CDK15: variants seen among roughly 807,000 people sequenced by gnomAD.
CDK15 encodes cyclin dependent kinase 15.
In CDK15, 62 loss-of-function variants were observed where a neutral mutation model predicts 60.3. That is an observed-to-expected ratio of 1.03 (90% CI 0.84 to 1.27). The LOEUF is 1.27. CDK15 is among the 50% of genes most tolerant of loss of function. The probability of loss-of-function intolerance (pLI) is 0.00; values close to 1 mark genes in which losing one functional copy is unlikely to be tolerated. For missense variants in CDK15, 541 were observed against 527.8 expected (o/e 1.03, Z -0.25); for synonymous variants, 194 against 195.7 (o/e 0.99, Z 0.07).
rs56394105 is a variant in CDK15 at position 201,836,035 on chromosome 2, T to TATTATATA, written c.851+272_851+273insATTATATA. Among the ~76,000 whole-genome samples the TATTATATA allele has an allele frequency of 1.4e-3, 168 of 118,580 alleles. 1 individual carries two copies. The highest frequency in any genetic ancestry group is 5.4e-3 in the African/African-American group (163 of 29,964). The allele number at this position is 118,580 out of a possible 152,430, so 77.8% of individuals were successfully genotyped here. A position where few individuals can be genotyped will look rare whatever the true frequency, so the allele number is the denominator to read the frequency against. On this transcript the variant is annotated intron_variant, in intron 8 of 13. Coordinates refer to ENST00000652192, the MANE Select transcript of CDK15 (RefSeq NM_001366386.2). ...TTATATTTTTATATATTTATATATA[T>TATTATATA]TTTATATATATTTATATATATATTA...
intron 6 of CDK15, among the ~76,000 whole-genome samples, chr2:201,830,457 G>A (rs923603280): frequency 6.6e-6 from 1 of 152,178 alleles, no homozygotes; most frequent in Admixed American, 6.5e-5. Context: ...AAAAAACATT[G>A]TGAATGACAC....
In CDK15 at chr2:201,812,536, G is replaced by C; in HGVS notation, c.422G>C (p.Gly141Ala). 5 of 1,613,098 alleles carry C rather than the reference G, an allele frequency of 3.1e-6. No individual in the cohort carries two copies. Among genetic ancestry groups the C allele is most frequent in the Non-Finnish European group, 4.2e-6 (5 of 1,179,354 alleles). The change falls in exon 4 of 14, where the codon GGA becomes GCA. Residue 141 changes from glycine (G) to alanine (A), a missense_variant. Coordinates refer to ENST00000652192, the MANE Select transcript of CDK15 (RefSeq NM_001366386.2). ...GTCATCAGCATGAATGCAGAGGAAG[G>C]AGTCCCATTTACAGCTATCCGAGAA... ...LKVISMNAEE[G>A]VPFTAIREAS...
At chr2:201,826,458 C>CAAAAAAAA (rs373198183) in intron 6 of CDK15, among the ~76,000 whole-genome samples, 12 of 78,202 alleles carry the variant, frequency 1.5e-4, no homozygotes, top group East Asian at 4.6e-4. Context: ...GACTGCGTCT[C>CAAAAAAAA]AAAAAAAAAA....
intron 4 of CDK15, among the ~76,000 whole-genome samples, chr2:201,816,959 T>G (rs1040212952): frequency 1.3e-5 from 2 of 152,204 alleles, no homozygotes; most frequent in Non-Finnish European, 2.9e-5. Flanking sequence ...TAACTAAAAG[T>G]GGGTATAAAT....
At chr2:201,877,482 A>G (rs1426065402) in intron 11 of CDK15, among the ~76,000 whole-genome samples, 1 of 152,208 alleles carries the variant, frequency 6.6e-6, no homozygotes, top group Non-Finnish European at 1.5e-5. Flanking sequence ...AAGTGGATTC[A>G]GGGCCAAATT....
chr2:201,847,680 T>A (rs534252183), intron 9 of CDK15, among the ~76,000 whole-genome samples: 1 of 152,268 alleles, frequency 6.6e-6, no homozygotes, highest in South Asian at 2.1e-4. Flanking sequence ...TAGCAGCCCA[T>A]GAATCCAGCT....
intron 11 of CDK15, among the ~76,000 whole-genome samples, 157 bp downstream of exon 11, chr2:201,872,483 A>G (rs570755737): frequency 6.6e-6 from 1 of 152,262 alleles, no homozygotes; most frequent in Non-Finnish European, 1.5e-5. Flanking sequence ...CAGACCCCTG[A>G]GAGTCTGTTA....
At chr2:201,851,380 C>A (rs1325964538) in intron 9 of CDK15, among the ~76,000 whole-genome samples, 6 of 149,694 alleles carry the variant, frequency 4.0e-5, no homozygotes, top group Non-Finnish European at 8.9e-5. Flanking sequence ...GCACTGTAGG[C>A]TGTTGTCCAG....
intron 2 of CDK15, 49 bp from the exon 3 acceptor site, chr2:201,807,809 T>C (rs768115412): frequency 2.5e-6 from 4 of 1,573,302 alleles, no homozygotes; most frequent in Non-Finnish European, 2.6e-6. Flanking sequence ...AAAAGTGTTC[T>C]TTCTCTCTTC....
intron 12 of CDK15, among the ~76,000 whole-genome samples, chr2:201,884,718 A>T (rs534159587): frequency 1.3e-5 from 2 of 152,112 alleles, no homozygotes; most frequent in South Asian, 4.1e-4. Flanking sequence ...TGTTCCAATT[A>T]TTTTGCTTAT....
At position 201,888,677 on chromosome 2, in the gene CDK15, T is replaced by C. The variant is rs1210979431; in HGVS notation, c.1199-2108T>C. 4 of 1,339,216 alleles carry C rather than the reference T, an allele frequency of 3.0e-6. No individual in the cohort carries two copies. The East Asian group carries it at 1.2e-4, about 39-fold the overall frequency. The allele number at this position is 1,339,216 out of a possible 1,614,324, so 83.0% of individuals were successfully genotyped here. On this transcript the variant is annotated intron_variant, in intron 12 of 13. Coordinates refer to ENST00000652192, the MANE Select transcript of CDK15 (RefSeq NM_001366386.2). ...ACAGCCAAATTGGAATCCTTTTGAT[T>C]AACCGGTTGCCTTCCCAGCATGTTC... is the stretch of plus-strand genomic sequence containing the variant.
In CDK15 at chr2:201,837,559, T is replaced by C. The variant is rs992438909; in HGVS notation, c.851+1796T>C. On this transcript the variant is annotated intron_variant, in intron 8 of 13. Transcript: ENST00000652192. Reference sequence around the variant, plus strand: ...GGTGCTATCAAGTAAAGCCACAGAGTTGGGGAGGCTCTAAGGTTAATGGGT... The same window carrying C: ...GGTGCTATCAAGTAAAGCCACAGAGCTGGGGAGGCTCTAAGGTTAATGGGT... Among the ~76,000 whole-genome samples the C allele has an allele frequency of 1.0e-4, 15 of 149,796 alleles. No homozygotes were observed. The East Asian group carries it at 1.2e-3, about 12-fold the overall frequency.
At chr2:201,810,469 A>T (rs1351941490) in intron 3 of CDK15, among the ~76,000 whole-genome samples, 1 of 152,214 alleles carries the variant, frequency 6.6e-6, no homozygotes, top group Non-Finnish European at 1.5e-5. Context: ...CCAAAGGACA[A>T]AGCTGCAAAA....
chr2:201,843,429 G>A lies in CDK15; in HGVS notation c.852-3952G>A, dbSNP rs1011817377. 1.2e-4 allele frequency among the ~76,000 whole-genome samples: 18 copies of A among 152,128 alleles called. No homozygotes were observed. In the East Asian group the frequency reaches 2.3e-3, roughly 20 times the overall value. On this transcript the variant is annotated intron_variant, in intron 8 of 13. Coordinates refer to ENST00000652192, the MANE Select transcript of CDK15 (RefSeq NM_001366386.2). ...CTCGAACTGACCTCATGATCTGCCC[G>A]CCTCGGCCTCCCAAAGTGCTAGGAT...
intron 12 of CDK15, chr2:201,888,494 C>G (rs907169698): frequency 6.5e-7 from 1 of 1,534,674 alleles, no homozygotes; most frequent in South Asian, 1.2e-5. Flanking sequence ...CTGTCAGCCT[C>G]GGGAAGCTAA....
chr2:201,816,176 A>C (rs1413021015), intron 4 of CDK15, among the ~76,000 whole-genome samples: 3 of 152,132 alleles, frequency 2.0e-5, no homozygotes, highest in African/African-American at 7.2e-5. Flanking sequence ...GGTTTGTTAC[A>C]TGAGTATATT....
chr2:201,853,546 G>A (rs1000731283), intron 9 of CDK15, among the ~76,000 whole-genome samples: 1 of 152,150 alleles, frequency 6.6e-6, no homozygotes, highest in African/African-American at 2.4e-5. Flanking sequence ...GCATTTTACA[G>A]ATGGATTCGC....
chr2:201,860,806 C>T (rs747934797), intron 10 of CDK15: 1 of 1,352,162 alleles, frequency 7.4e-7, no homozygotes, highest in Non-Finnish European at 9.8e-7. Flanking sequence ...AGCAATGCAG[C>T]CTTGTTCTAG....
intron 6 of CDK15, among the ~76,000 whole-genome samples, chr2:201,825,694 T>C (rs1182630968): frequency 6.6e-6 from 1 of 152,136 alleles, no homozygotes; most frequent in Non-Finnish European, 1.5e-5. Flanking sequence ...GAGCAGAGAA[T>C]GTAGACAGTT....
Sources: allele counts gnomAD v4.1 joint callset (sites outside exome capture counted in the v4.1 genomes callset), GRCh38; gene constraint gnomAD v4.1.1; transcripts MANE v1.5; gene names NCBI Gene and HGNC (gene_info 2026-07-23, HGNC 2026-07-21).